Variants in RARB observed in about 807,000 individuals in gnomAD.
RARB encodes the protein retinoic acid receptor beta.
A neutral mutation model predicts 51.9 loss-of-function variants in RARB; 17 were observed. The ratio of observed to expected loss-of-function variants is 0.33; its 90% CI spans 0.22 to 0.49. The LOEUF (loss-of-function observed/expected upper bound fraction) is 0.49. Ranked by LOEUF, RARB falls within the 20% of genes least tolerant of loss-of-function variation. The pLI is 0.99. For synonymous variants in RARB, 215 were observed against 195.4 expected (o/e 1.10, Z -0.84); for missense variants, 369 against 550.8 (o/e 0.67, Z 3.30).
intron 2 of RARB, among the ~76,000 whole-genome samples, chr3:25,052,710 G>A (rs1698361225): frequency 6.6e-6 from 1 of 152,130 alleles, no homozygotes; most frequent in South Asian, 2.1e-4. Flanking sequence ...TAGTAAAGTA[G>A]ATTGCAATTT....
chr3:25,376,274 A>G (rs1706457035), intron 5 of RARB, among the ~76,000 whole-genome samples: 1 of 152,200 alleles, frequency 6.6e-6, no homozygotes, highest in South Asian at 2.1e-4. Flanking sequence ...ACTCCCCAGA[A>G]AAGTGCCTAG....
chr3:25,514,855 G>C (rs1032758288), intron 3 of RARB, among the ~76,000 whole-genome samples: 8 of 152,308 alleles, frequency 5.3e-5, no homozygotes, highest in African/African-American at 1.7e-4. Context: ...GGTAATAAGT[G>C]AAGGAGTCCC....
chr3:24,905,815 C>T (rs1277606488), intron 2 of RARB, among the ~76,000 whole-genome samples: 1 of 152,132 alleles, frequency 6.6e-6, no homozygotes, highest in South Asian at 2.1e-4. Flanking sequence ...TTGATTAATA[C>T]CTACTTACAT....
intron 2 of RARB, among the ~76,000 whole-genome samples, chr3:24,981,389 AG>A (rs1696668263): frequency 6.6e-6 from 1 of 152,158 alleles, no homozygotes; most frequent in African/African-American, 2.4e-5. Context: ...TGGAATCTAG[AG>A]AGGCAGTAGG....
intron 5 of RARB, among the ~76,000 whole-genome samples, chr3:25,589,101 C>T (rs1156933766): frequency 2.0e-5 from 3 of 152,104 alleles, no homozygotes; most frequent in Non-Finnish European, 4.4e-5. Flanking sequence ...ATTCCAAAAA[C>T]CAAAAGGGTG....
chr3:25,333,574 T>C (rs1328797848), intron 5 of RARB, among the ~76,000 whole-genome samples: 5 of 152,092 alleles, frequency 3.3e-5, no homozygotes, highest in South Asian at 2.1e-4. Flanking sequence ...CATAAAAACC[T>C]TAGAAGAAAA....
At chr3:25,127,150 T>C (rs186257006) in intron 3 of RARB, among the ~76,000 whole-genome samples, 3,228 of 152,154 alleles carry the variant, frequency 0.021, 92 homozygotes, top group African/African-American at 0.065. Context: ...GAGTATAAAC[T>C]GAACTATGTC....
At chr3:25,287,514 T>A (rs968614023) in intron 5 of RARB, among the ~76,000 whole-genome samples, 1 of 152,158 alleles carries the variant, frequency 6.6e-6, no homozygotes, top group South Asian at 2.1e-4. Context: ...TAGAAACTGC[T>A]TCCATCCATC....
chr3:25,380,998 TTTA>T (rs1320652524), intron 5 of RARB, among the ~76,000 whole-genome samples: 2 of 152,192 alleles, frequency 1.3e-5, no homozygotes, highest in African/African-American at 4.8e-5. Flanking sequence ...TTCCTATTGC[TTTA>T]TTATTTTCTC....
intron 5 of RARB, among the ~76,000 whole-genome samples, chr3:25,588,932 C>A (rs896419751): frequency 1.3e-5 from 2 of 152,154 alleles, no homozygotes; most frequent in African/African-American, 4.8e-5. Context: ...TCACTTTCAC[C>A]ATATTCTATT....
At chr3:25,291,113 G>A (rs1703775205) in intron 5 of RARB, among the ~76,000 whole-genome samples, 1 of 152,036 alleles carries the variant, frequency 6.6e-6, no homozygotes, top group Non-Finnish European at 1.5e-5. Flanking sequence ...ATAGAGTTGA[G>A]GCAAAACTAT....
chr3:24,983,500 C>G (rs1429356404), intron 2 of RARB, among the ~76,000 whole-genome samples: 2 of 152,108 alleles, frequency 1.3e-5, no homozygotes, highest in Non-Finnish European at 2.9e-5. Context: ...GCCCTACATG[C>G]ATTAGTATTT....
intron 2 of RARB, among the ~76,000 whole-genome samples, chr3:24,949,107 C>T (rs919467051): frequency 1.3e-5 from 2 of 152,152 alleles, no homozygotes; most frequent in African/African-American, 2.4e-5. Context: ...CCATTTGACC[C>T]ATGTCAGCAT....
At chr3:25,073,259 AG>A (rs1467456624) in intron 3 of RARB, among the ~76,000 whole-genome samples, 3 of 152,376 alleles carry the variant, frequency 2.0e-5, no homozygotes, top group Non-Finnish European at 4.4e-5. Flanking sequence ...GCTGTGTGAA[AG>A]TGCAGTTCCG....
chr3:24,952,455 C>T (rs115774844), intron 2 of RARB, among the ~76,000 whole-genome samples: 12 of 152,208 alleles, frequency 7.9e-5, no homozygotes, highest in African/African-American at 2.9e-4. Flanking sequence ...GTATTCTACT[C>T]TCTGCTAATG....
At position 25,543,794 on chromosome 3, in the gene RARB, G is replaced by A. The variant is rs114800413; in HGVS notation, c.449-25964G>A. On this transcript the variant is annotated intron_variant, in intron 3 of 7. Coordinates refer to ENST00000330688, the MANE Select transcript of RARB (RefSeq NM_000965.5). ...GAGGAGCAAGATTGGAAATGCAAAA[G>A]TAACCTTCCATAGATGCACCCCCAT... is the stretch of plus-strand genomic sequence containing the variant. Among the ~76,000 whole-genome samples, 973 of 152,298 alleles carry A rather than the reference G, an allele frequency of 6.4e-3. 8 individuals carry two copies. The highest frequency in any genetic ancestry group is 0.022 in the African/African-American group (924 of 41,562).
chr3:25,005,663 G>C (rs1208791106), intron 2 of RARB, among the ~76,000 whole-genome samples: 1 of 152,118 alleles, frequency 6.6e-6, no homozygotes, highest in East Asian at 1.9e-4. Flanking sequence ...TGGTTGGATG[G>C]ATCAGCCCAA....
intron 2 of RARB, among the ~76,000 whole-genome samples, chr3:25,481,735 T>A (rs376271282): frequency 1.3e-5 from 2 of 152,366 alleles, no homozygotes; most frequent in African/African-American, 2.4e-5. Flanking sequence ...TGGTCTCACC[T>A]TACTCTTTGT....
chr3:24,839,651 G>A (rs1386091826), intron 1 of RARB, among the ~76,000 whole-genome samples: 3 of 136,054 alleles, frequency 2.2e-5, no homozygotes, highest in Non-Finnish European at 4.6e-5. Context: ...AGGTTGCAGT[G>A]AGCCGAGATG....
Sources: allele counts gnomAD v4.1 joint callset (sites outside exome capture counted in the v4.1 genomes callset), GRCh38; gene constraint gnomAD v4.1.1; transcripts MANE v1.5; gene names NCBI Gene and HGNC (gene_info 2026-07-23, HGNC 2026-07-21).